ASIC2: variants seen among roughly 807,000 people sequenced by gnomAD.
ASIC2 encodes acid-sensing ion channel 2.
In ASIC2, 25 loss-of-function variants were observed where a neutral mutation model predicts 57.3. That is an observed-to-expected ratio of 0.44 (90% CI 0.32 to 0.61). The LOEUF is 0.61. Among genes scored for constraint, ASIC2 ranks in the 20% least tolerant of loss-of-function variants. The pLI is 0.06. For missense variants in ASIC2, 641 were observed against 738.1 expected (o/e 0.87, Z 1.52); for synonymous variants, 319 against 307.5 (o/e 1.04, Z -0.39).
At chr17:33,568,891 C>T (rs1288652581) in intron 1 of ASIC2, among the ~76,000 whole-genome samples, 2 of 152,134 alleles carry the variant, frequency 1.3e-5, no homozygotes, top group African/African-American at 4.8e-5. Context: ...TGGAACTCAG[C>T]CTGTAGGCAT....
rs77879888 is a variant in ASIC2 at position 33,449,788 on chromosome 17, T to A, written c.556-337721A>T. On this transcript the variant is annotated intron_variant, in intron 1 of 9. Transcript: ENST00000359872. ...TCTTTTTTCTTTTCTTTTTTTTTTT[T>A]AATTGAGACAGAGTCTCACTCTGTC... 1.4e-4 allele frequency among the ~76,000 whole-genome samples: 21 copies of A among 148,942 alleles called. No individual in the cohort carries two copies. The East Asian group carries it at 3.2e-3, about 23-fold the overall frequency.
chr17:33,884,883 G>A (rs1914791222), intron 1 of ASIC2, among the ~76,000 whole-genome samples: 1 of 152,176 alleles, frequency 6.6e-6, no homozygotes, highest in African/African-American at 2.4e-5. Flanking sequence ...TAAATGTTGT[G>A]TTGAATGAAG....
chr17:33,661,319 A>G (rs564483439), intron 1 of ASIC2, among the ~76,000 whole-genome samples: 1 of 152,240 alleles, frequency 6.6e-6, no homozygotes, highest in Non-Finnish European at 1.5e-5. Context: ...TCAAGAAGGT[A>G]GTTCGTTTTG....
At chr17:33,645,486 T>G (rs1446916797) in intron 1 of ASIC2, among the ~76,000 whole-genome samples, 1 of 152,186 alleles carries the variant, frequency 6.6e-6, no homozygotes, top group African/African-American at 2.4e-5. Flanking sequence ...CGCACAGTGG[T>G]CAACCTCAGT....
At chr17:33,607,025 G>A (rs1301637978) in intron 1 of ASIC2, among the ~76,000 whole-genome samples, 1 of 152,168 alleles carries the variant, frequency 6.6e-6, no homozygotes, top group Non-Finnish European at 1.5e-5. Context: ...AGAGGTTGGA[G>A]GAGCATGTAC....
chr17:33,013,382 G>A lies in ASIC2; in HGVS notation c.*583C>T, dbSNP rs7217893. Reference sequence around the variant, plus strand: ...GCTGTGCCGCCGTCATAGGCACTGGGGGGGAGGGAGGTTGGCGCGGGTCAC... The same window carrying A: ...GCTGTGCCGCCGTCATAGGCACTGGAGGGGAGGGAGGTTGGCGCGGGTCAC... On this transcript the variant is annotated 3_prime_UTR_variant, in exon 10 of 10. Transcript: ENST00000225823. 0.02 allele frequency: 3,069 copies of A among 153,384 alleles called. 118 individuals carry two copies. The highest frequency in any genetic ancestry group is 0.073 in the African/African-American group (2,925 of 39,930). 9.5% of individuals were successfully genotyped at this position (153,384 alleles called of 1,614,324 possible).
At chr17:33,517,895 G>A (rs1025129763) in intron 1 of ASIC2, among the ~76,000 whole-genome samples, 4 of 152,086 alleles carry the variant, frequency 2.6e-5, no homozygotes, top group Non-Finnish European at 5.9e-5. Flanking sequence ...TTCATAGGTC[G>A]CCTAGACCAA....
chr17:33,911,467 C>T (rs1489684453), intron 1 of ASIC2, among the ~76,000 whole-genome samples: 2 of 152,124 alleles, frequency 1.3e-5, no homozygotes, highest in Non-Finnish European at 2.9e-5. Flanking sequence ...TGACTGTTAC[C>T]CCAGTGTTCC....
At chr17:33,744,768 A>T (rs1312721095) in intron 1 of ASIC2, among the ~76,000 whole-genome samples, 3 of 152,252 alleles carry the variant, frequency 2.0e-5, no homozygotes, top group Non-Finnish European at 4.4e-5. Flanking sequence ...GACATTATAC[A>T]TACGTTCAAA....
intron 1 of ASIC2, among the ~76,000 whole-genome samples, chr17:33,407,181 T>A (rs892618981): frequency 6.6e-6 from 1 of 152,236 alleles, no homozygotes; most frequent in Non-Finnish European, 1.5e-5. Context: ...CATTCGCCAA[T>A]GTGTTGGGAA....
intron 1 of ASIC2, among the ~76,000 whole-genome samples, chr17:33,870,699 T>C (rs1180767692): frequency 2.6e-5 from 4 of 152,236 alleles, no homozygotes; most frequent in South Asian, 2.1e-4. Context: ...TCAATTCTCA[T>C]ATATTTGAGG....
intron 1 of ASIC2, among the ~76,000 whole-genome samples, chr17:33,783,118 G>C (rs952143237): frequency 1.3e-5 from 2 of 152,132 alleles, no homozygotes; most frequent in Non-Finnish European, 2.9e-5. Context: ...TCACCACACT[G>C]TGCAGTTTCC....
chr17:33,559,763 G>T (rs188224585), intron 1 of ASIC2, among the ~76,000 whole-genome samples: 9 of 152,194 alleles, frequency 5.9e-5, no homozygotes, highest in African/African-American at 2.2e-4. Flanking sequence ...GTAAGGGACA[G>T]TATGGGTTTT....
At chr17:34,152,468 G>T (rs1405079578) in intron 1 of ASIC2, among the ~76,000 whole-genome samples, 1 of 152,124 alleles carries the variant, frequency 6.6e-6, no homozygotes, top group Non-Finnish European at 1.5e-5. Flanking sequence ...ATCTCAGTCA[G>T]GTTGGATGTA....
At chr17:33,582,322 T>G (rs1442555138) in intron 1 of ASIC2, among the ~76,000 whole-genome samples, 1 of 152,166 alleles carries the variant, frequency 6.6e-6, no homozygotes, top group Non-Finnish European at 1.5e-5. Context: ...AATGAATCAA[T>G]GAATAAATGT....
intron 1 of ASIC2, among the ~76,000 whole-genome samples, chr17:33,496,848 C>T (rs188966900): frequency 6.6e-6 from 1 of 151,998 alleles, no homozygotes; most frequent in African/African-American, 2.4e-5. Context: ...AAACTCCTGA[C>T]CTCAAGTGAT....
chr17:33,830,363 A>G (rs563469008), intron 1 of ASIC2, among the ~76,000 whole-genome samples: 10 of 152,194 alleles, frequency 6.6e-5, no homozygotes, highest in Non-Finnish European at 1.2e-4. Context: ...TTGTCAAAAT[A>G]AAAGTGGGCC....
chr17:33,799,223 C>T (rs1912007895), intron 1 of ASIC2, among the ~76,000 whole-genome samples: 1 of 151,574 alleles, frequency 6.6e-6, no homozygotes, highest in Non-Finnish European at 1.5e-5. Context: ...TTCCTTCCTT[C>T]CTTCCTTCTT....
intron 1 of ASIC2, among the ~76,000 whole-genome samples, chr17:33,469,270 G>A (rs1254645982): frequency 6.6e-5 from 10 of 152,220 alleles, no homozygotes. Flanking sequence ...AGCCCAGTGT[G>A]TGGGCTTAGG....
Sources: gnomAD v4.1 joint callset for allele counts (sites outside exome capture counted in the v4.1 genomes callset) on GRCh38, gnomAD v4.1.1 for gene constraint, MANE v1.5 for transcripts, NCBI Gene and HGNC (gene_info 2026-07-23, HGNC 2026-07-21) for gene names.